The following KYAT3 variants were observed in gnomAD, a reference collection of about 807,000 sequenced individuals.
KYAT3 encodes kynurenine--oxoglutarate transaminase 3.
A neutral mutation model predicts 59.0 loss-of-function variants in KYAT3; 50 were observed. That is an observed-to-expected ratio of 0.85 (90% CI 0.68 to 1.07). The LOEUF (loss-of-function observed/expected upper bound fraction) is 1.07. Among genes scored for constraint, KYAT3 ranks in the 50% least tolerant of loss-of-function variants. The pLI is 0.00. For synonymous variants in KYAT3, 148 were observed against 177.0 expected, an observed-to-expected ratio of 0.84 and a Z score of 1.30; for missense variants, 497 against 533.3, an observed-to-expected ratio of 0.93 and a Z score of 0.67.
chr1:88,941,234 T>C (rs1675223864), intron 13 of KYAT3, among the ~76,000 whole-genome samples: 1 of 152,240 alleles, frequency 6.6e-6, no homozygotes, highest in Admixed American at 6.5e-5. Flanking sequence ...TGTTAGGTTG[T>C]TAATATTTAT....
At chr1:88,955,059 C>A in intron 9 of KYAT3, 90 bp downstream of exon 9, 1 of 856,026 alleles carries the variant, frequency 1.2e-6, no homozygotes, top group Non-Finnish European at 1.9e-6. Flanking sequence ...AGCCACCATG[C>A]CTGGCCAGCA....
chr1:88,987,817 C>T (rs528998837), intron 2 of KYAT3, among the ~76,000 whole-genome samples: 12 of 152,316 alleles, frequency 7.9e-5, no homozygotes, highest in South Asian at 4.1e-4. Flanking sequence ...AGTCCACATT[C>T]GTATCTCTCT....
intron 10 of KYAT3, among the ~76,000 whole-genome samples, chr1:88,950,632 C>A (rs183800184): frequency 8.0e-4 from 122 of 152,160 alleles, no homozygotes; most frequent in African/African-American, 2.9e-3. Flanking sequence ...TTCACATATC[C>A]CATATGTAAC....
intron 2 of KYAT3, among the ~76,000 whole-genome samples, chr1:88,973,722 A>ACC (rs1313450697): frequency 6.6e-6 from 1 of 152,214 alleles, no homozygotes; most frequent in Non-Finnish European, 1.5e-5. Context: ...GAAATTCACC[A>ACC]CCAGGTGGCA....
intron 2 of KYAT3, among the ~76,000 whole-genome samples, chr1:88,987,883 A>G (rs1025972187): frequency 2.6e-5 from 4 of 152,198 alleles, no homozygotes; most frequent in African/African-American, 9.7e-5. Flanking sequence ...AAGTTCCTAA[A>G]GCAGATGTAC....
chr1:88,964,921 G>T lies in KYAT3; in HGVS notation c.361C>A (p.Gln121Lys). The change falls in exon 5 of 14, where the codon CAA (glutamine) becomes AAA (lysine). Residue 121 changes from glutamine (Q) to lysine (K), a missense_variant. By Grantham distance (53) the Gln-to-Lys change is moderately conservative. Around this residue, in one of 2 missense-constraint regions of KYAT3, gnomAD observed 469 missense variants for 479.1 expected, o/e 0.98. Transcript: ENST00000260508. ...SYLYEKLYQKQIDSNKEILVT... is the reference protein window; with the variant it reads ...SYLYEKLYQKKIDSNKEILVT... ...AGGATTTCTTTATTTGAATCAATTT[G>T]CTTTTGATAAAGCTTTTCATACAGA... 1 of 1,610,414 alleles carries T rather than the reference G, an allele frequency of 6.2e-7. No individual in the cohort carries two copies. Among genetic ancestry groups the T allele is most frequent in the Non-Finnish European group, 8.5e-7 (1 of 1,178,646 alleles).
intron 6 of KYAT3, 123 bp downstream of exon 6, chr1:88,961,936 G>A: frequency 1.4e-6 from 1 of 701,854 alleles, no homozygotes; most frequent in South Asian, 1.7e-5. Context: ...TAGACAAATA[G>A]AGATATACAG....
At chr1:88,961,987 C>T (rs914630023) in intron 6 of KYAT3, 72 bp downstream of exon 6, 3 of 1,022,672 alleles carry the variant, frequency 2.9e-6, no homozygotes, top group Non-Finnish European at 3.1e-6. Context: ...TTTATCATGA[C>T]AAAGTAATTG....
chr1:88,949,058 C>A (rs367605681), intron 11 of KYAT3, 33 bp downstream of exon 11: 9 of 1,444,830 alleles, frequency 6.2e-6, no homozygotes, highest in South Asian at 1.5e-5. Context: ...CATAAGTTTC[C>A]GTATAGTTGA....
intron 9 of KYAT3, among the ~76,000 whole-genome samples, chr1:88,954,630 T>G (rs1675827814): frequency 6.6e-6 from 1 of 152,222 alleles, no homozygotes; most frequent in Admixed American, 6.5e-5. Flanking sequence ...TAATTTTTCT[T>G]ATGTTTAAAG....
intron 13 of KYAT3, among the ~76,000 whole-genome samples, chr1:88,940,145 T>A (rs1049043543): frequency 1.3e-5 from 2 of 151,992 alleles, no homozygotes; most frequent in African/African-American, 4.8e-5. Flanking sequence ...TCTCAGCTCA[T>A]TGCAACCTCT....
intron 10 of KYAT3, among the ~76,000 whole-genome samples, chr1:88,951,788 T>C (rs1675686062): frequency 6.6e-6 from 1 of 152,082 alleles, no homozygotes; most frequent in Non-Finnish European, 1.5e-5. Context: ...GTAGACAGAG[T>C]AATGGGTCCC....
At chr1:88,948,091 C>CAAACAAAACA (rs58858903) in intron 11 of KYAT3, among the ~76,000 whole-genome samples, 4,907 of 146,088 alleles carry the variant, frequency 0.034, 112 homozygotes, top group Middle Eastern at 0.077. Flanking sequence ...GACCCTGCCT[C>CAAACAAAACA]AAACAAAACA....
intron 13 of KYAT3, 42 bp from the exon 14 acceptor site, chr1:88,936,287 T>A (rs1473322626): frequency 7.5e-7 from 1 of 1,328,976 alleles, no homozygotes; most frequent in South Asian, 1.2e-5. Flanking sequence ...CAGATATACA[T>A]AAATTCAAGA....
intron 13 of KYAT3, among the ~76,000 whole-genome samples, chr1:88,937,326 C>T (rs931541455): frequency 2.0e-5 from 3 of 152,012 alleles, no homozygotes; most frequent in African/African-American, 4.8e-5. Context: ...AAAGCCTGAA[C>T]CGGGAAAAGG....
In KYAT3 at chr1:88,964,861, T is replaced by G. The variant is rs756732644; in HGVS notation, c.421A>C (p.Thr141Pro). ...TVGAYGSLFN[T>P]IQALIDEGDE... ...CCCTCATCAATTAATGCTTGAATGG[T>G]GTTAAAAAGAGATCCATATGCTCCT... The change falls in exon 5 of 14, where the codon ACC becomes CCC. Residue 141 changes from threonine to proline, a missense_variant. Coordinates refer to ENST00000260508, the MANE Select transcript of KYAT3 (RefSeq NM_001008661.3). 6.2e-7 allele frequency: 1 copy of G among 1,600,982 alleles called. No individual in the cohort carries two copies. The highest frequency in any genetic ancestry group is 1.4e-5 in the African/African-American group (1 of 74,048).
At chr1:88,949,915 C>T (rs1675606746) in intron 10 of KYAT3, among the ~76,000 whole-genome samples, 1 of 152,066 alleles carries the variant, frequency 6.6e-6, no homozygotes, top group Non-Finnish European at 1.5e-5. Context: ...TGTTTGTGCC[C>T]ACTCTCATAT....
chr1:88,981,428 C>T (rs1677084193), intron 2 of KYAT3: 1 of 152,710 alleles, frequency 6.5e-6, no homozygotes, highest in Admixed American at 6.5e-5. Flanking sequence ...ACGAGAACCT[C>T]CTGACTACCT....
At chr1:88,980,686 A>G (rs1411982970) in intron 2 of KYAT3, 1 of 152,388 alleles carries the variant, frequency 6.6e-6, no homozygotes, top group Admixed American at 6.5e-5. Context: ...TGCTTTGAAC[A>G]ATATTCATTC....
Sources: gnomAD v4.1 joint callset for allele counts (sites outside exome capture counted in the v4.1 genomes callset) on GRCh38, gnomAD v4.1.1 for gene constraint, gnomAD v4.1.1 regional missense constraint, MANE v1.5 for transcripts, NCBI Gene and HGNC (gene_info 2026-07-23, HGNC 2026-07-21) for gene names.